Variants in C2orf42 observed in about 807,000 individuals in gnomAD.
C2orf42 encodes the protein uncharacterized protein C2orf42.
C2orf42 carries 44 observed loss-of-function variants against 58.9 expected under a neutral mutation model. The observed-to-expected ratio is 0.75, with a 90% CI of 0.59 to 0.96. C2orf42 has a LOEUF of 0.96. Ranked by LOEUF, C2orf42 falls within the 40% of genes least tolerant of loss-of-function variation. The pLI is 0.00. For missense variants in C2orf42, 630 were observed against 699.2 expected, an observed-to-expected ratio of 0.90 and a Z score of 1.12; for synonymous variants, 239 against 265.4, an observed-to-expected ratio of 0.90 and a Z score of 0.97.
chr2:70,177,332 C>G (rs1391069102), intron 4 of C2orf42, among the ~76,000 whole-genome samples: 1 of 151,518 alleles, frequency 6.6e-6, no homozygotes, highest in Non-Finnish European at 1.5e-5. Context: ...CCCAGCTACT[C>G]GGGAGGCTAA....
chr2:70,173,408 G>A (rs1388242225), intron 5 of C2orf42, among the ~76,000 whole-genome samples: 3 of 150,962 alleles, frequency 2.0e-5, no homozygotes, highest in African/African-American at 7.3e-5. Flanking sequence ...CAAGTAGCTG[G>A]GATTACAGGC....
Position 70,150,407 on chromosome 2 carries a change from G to A in C2orf42, c.1674C>T (p.Pro558=), listed in dbSNP as rs1424175809. ...HVAEYQDQRP[P]LDQPLELAPL... ...GGGCCAGTTCCAAGGGCTGGTCCAA[G>A]GGGGGCCGCTGGTCTTGGTACTCCG... is the stretch of plus-strand genomic sequence containing the variant. Residue 558 remains proline, a synonymous_variant, in exon 10 of 10, where the codon CCC becomes CCT. Coordinates refer to ENST00000264434, the MANE Select transcript of C2orf42 (RefSeq NM_017880.3). The A allele has an allele frequency of 1.2e-6, 2 of 1,614,072 alleles. No individual in the cohort carries two copies. The highest frequency in any genetic ancestry group is 1.3e-5 in the African/African-American group (1 of 75,036).
chr2:70,178,602 C>T (rs1674346401), intron 4 of C2orf42, among the ~76,000 whole-genome samples: 1 of 151,202 alleles, frequency 6.6e-6, no homozygotes, highest in Admixed American at 6.6e-5. Context: ...AGCGAGACTC[C>T]ATCTCTAAAT....
At chr2:70,168,796 T>C (rs1673590760) in intron 6 of C2orf42, among the ~76,000 whole-genome samples, 1 of 150,664 alleles carries the variant, frequency 6.6e-6, no homozygotes, top group Non-Finnish European at 1.5e-5. Flanking sequence ...CACTGCAACC[T>C]CCGCCTCCCG....
chr2:70,189,226 G>C (rs1675156084), intron 1 of C2orf42, among the ~76,000 whole-genome samples: 1 of 150,650 alleles, frequency 6.6e-6, no homozygotes, highest in Non-Finnish European at 1.5e-5. Flanking sequence ...GAACAACATG[G>C]AGAAACCCTA....
rs1049279196 is a variant in C2orf42 at position 70,157,544 on chromosome 2, C to A, written c.1516+3081G>T. Among the ~76,000 whole-genome samples, 2 of 152,264 alleles carry A rather than the reference C, an allele frequency of 1.3e-5. 1 individual carries two copies. On this transcript the variant is annotated intron_variant, in intron 9 of 9. Transcript: ENST00000264434. The stretch of plus-strand genomic sequence containing the variant: ...GGGCGCGGTGGCTCACGCCTGTAAT[C>A]CCAGAACTTTGGGAGGCCAAGGTGG...
At chr2:70,188,020 A>G (rs1675069686) in intron 1 of C2orf42, among the ~76,000 whole-genome samples, 1 of 152,154 alleles carries the variant, frequency 6.6e-6, no homozygotes, top group African/African-American at 2.4e-5. Flanking sequence ...AAAGCTAAAG[A>G]CAGTACAGAG....
intron 3 of C2orf42, among the ~76,000 whole-genome samples, chr2:70,179,928 G>C (rs1674440731): frequency 6.6e-6 from 1 of 152,094 alleles, no homozygotes; most frequent in Admixed American, 6.6e-5. Flanking sequence ...GACAGAGGCA[G>C]ACGCTGTCTC....
chr2:70,156,012 G>A (rs1317371393), intron 9 of C2orf42, among the ~76,000 whole-genome samples: 3 of 151,324 alleles, frequency 2.0e-5, no homozygotes, highest in African/African-American at 7.3e-5. Flanking sequence ...AAAATTAGCT[G>A]GGCATGGTGG....
chr2:70,187,059 T>A (rs1674986788), intron 1 of C2orf42, among the ~76,000 whole-genome samples: 1 of 151,912 alleles, frequency 6.6e-6, no homozygotes, highest in Non-Finnish European at 1.5e-5. Context: ...CATATGTAAC[T>A]AACCTGCACA....
chr2:70,153,066 G>A (rs909892900), intron 9 of C2orf42, among the ~76,000 whole-genome samples: 4 of 151,942 alleles, frequency 2.6e-5, no homozygotes, highest in Admixed American at 2.0e-4. Context: ...CAGTGGCAGA[G>A]TGTGTTCTGG....
In C2orf42 at chr2:70,181,150, C is replaced by A; in HGVS notation, c.823+13G>T. The A allele has an allele frequency of 6.7e-7, 1 of 1,490,836 alleles. No individual in the cohort carries two copies. The highest frequency in any genetic ancestry group is 9.1e-7 in the Non-Finnish European group (1 of 1,098,122). The allele number at this position is 1,490,836 out of a possible 1,614,324, so 92.4% of individuals were successfully genotyped here. A position where few individuals can be genotyped will look rare whatever the true frequency, so the allele number is the denominator to read the frequency against. ...TAGAAAAACGTAATAACCACATCAA[C>A]CATACCACCTACCGCTGGAATCAAA... is the stretch of plus-strand genomic sequence containing the variant. On this transcript the variant is annotated intron_variant, in intron 3 of 9. Coordinates refer to ENST00000264434, the MANE Select transcript of C2orf42 (RefSeq NM_017880.3).
intron 3 of C2orf42, 108 bp downstream of exon 3, chr2:70,181,055 T>A: frequency 1.2e-5 from 6 of 486,654 alleles, no homozygotes; most frequent in African/African-American, 2.0e-5. Context: ...TTGAATTATC[T>A]AGCAACTGTT....
At chr2:70,187,833 G>A (rs1264234500) in intron 1 of C2orf42, among the ~76,000 whole-genome samples, 7 of 151,584 alleles carry the variant, frequency 4.6e-5, no homozygotes, top group Non-Finnish European at 1.0e-4. Flanking sequence ...TGAGACTACA[G>A]GCACATGCCA....
intron 5 of C2orf42, among the ~76,000 whole-genome samples, chr2:70,174,348 T>TTTTTAAGGTAATTGTACATTCACACGCAG (rs1285256359): frequency 6.6e-6 from 1 of 152,100 alleles, no homozygotes; most frequent in East Asian, 1.9e-4. Flanking sequence ...AATAAATTAC[T>TTTTTAAGGTAATTGTACATTCACACGCAG]TTTTAAGGTA....
At chr2:70,168,180 G>A (rs1250106533) in intron 6 of C2orf42, among the ~76,000 whole-genome samples, 1 of 151,134 alleles carries the variant, frequency 6.6e-6, no homozygotes, top group Non-Finnish European at 1.5e-5. Flanking sequence ...ATTACAGTGA[G>A]CCAAGATCAC....
At chr2:70,163,557 T>A (rs1029320733) in intron 8 of C2orf42, among the ~76,000 whole-genome samples, 1 of 152,042 alleles carries the variant, frequency 6.6e-6, no homozygotes, top group Non-Finnish European at 1.5e-5. Context: ...AAAAACATTT[T>A]AAAATGTGTA....
At chr2:70,189,358 A>T (rs1675168147) in intron 1 of C2orf42, among the ~76,000 whole-genome samples, 1 of 129,108 alleles carries the variant, frequency 7.7e-6, no homozygotes, top group African/African-American at 3.0e-5. Context: ...GTGAGCCAAG[A>T]TCGTGCCATT....
intron 5 of C2orf42, 144 bp from the exon 6 acceptor site, chr2:70,169,805 G>C (rs1673672460): frequency 7.2e-6 from 4 of 554,650 alleles, no homozygotes; most frequent in African/African-American, 3.8e-5. Context: ...TGTTGCCCAG[G>C]CTGGAGTGCA....
Sources: allele counts gnomAD v4.1 joint callset (sites outside exome capture counted in the v4.1 genomes callset), GRCh38; gene constraint gnomAD v4.1.1; transcripts MANE v1.5; gene names NCBI Gene and HGNC (gene_info 2026-07-23, HGNC 2026-07-21).